The following CRIM1 variants were observed in gnomAD, a reference collection of about 807,000 sequenced individuals.
CRIM1 encodes the protein cysteine-rich motor neuron 1 protein.
A neutral mutation model predicts 116.4 loss-of-function variants in CRIM1; 32 were observed. The observed-to-expected ratio is 0.27, with a 90% CI of 0.21 to 0.37. The LOEUF (loss-of-function observed/expected upper bound fraction) is 0.37. Ranked by LOEUF, CRIM1 falls within the 10% of genes least tolerant of loss-of-function variation. The probability of loss-of-function intolerance (pLI) is 1.00; values close to 1 mark genes in which losing one functional copy is unlikely to be tolerated. For missense variants in CRIM1, 1,331 were observed against 1,354.8 expected, an observed-to-expected ratio of 0.98 and a Z score of 0.28; for synonymous variants, 590 against 509.2, an observed-to-expected ratio of 1.16 and a Z score of -2.13.
intron 2 of CRIM1, among the ~76,000 whole-genome samples, chr2:36,406,040 T>C (rs930938029): frequency 6.6e-6 from 1 of 152,246 alleles, no homozygotes; most frequent in Non-Finnish European, 1.5e-5. Context: ...TTTTTGGCAA[T>C]TATATTGATC....
chr2:36,410,784 C>G lies in CRIM1; in HGVS notation c.505+13997C>G, dbSNP rs924028636. Reference sequence around the variant, plus strand: ...TGCCTCACAGACCTTTTATAAATATCAGAGTTGTGGTTTTGCAACAGTGTA... The same window carrying G: ...TGCCTCACAGACCTTTTATAAATATGAGAGTTGTGGTTTTGCAACAGTGTA... On this transcript the variant is annotated intron_variant, in intron 2 of 16. Transcript: ENST00000280527. 1.2e-4 allele frequency among the ~76,000 whole-genome samples: 18 copies of G among 151,348 alleles called. 2 individuals are homozygous for G. The highest frequency in any genetic ancestry group is 5.9e-5 in the Non-Finnish European group (4 of 67,902).
At chr2:36,546,573 T>C (rs1436271416) in intron 15 of CRIM1, among the ~76,000 whole-genome samples, 4 of 152,118 alleles carry the variant, frequency 2.6e-5, no homozygotes, top group Admixed American at 6.5e-5. Context: ...TACTTTGTTC[T>C]AGTCTCCTGT....
chr2:36,485,460 A>G (rs1193109862), intron 7 of CRIM1, among the ~76,000 whole-genome samples: 3 of 152,198 alleles, frequency 2.0e-5, no homozygotes, highest in Non-Finnish European at 4.4e-5. Context: ...TTATGGAAGC[A>G]CTATATTCTC....
rs1375716101 is a variant in CRIM1 at position 36,551,063 on chromosome 2, C to T, written c.*2362C>T. ...TAGTTCTACAGTTTGTTTTTGTTTT[C>T]TTCAAAAAAGCTGTAAGAGAATTAT... On this transcript the variant is annotated 3_prime_UTR_variant, in exon 17 of 17. Transcript: ENST00000280527. 1.3e-5 allele frequency: 2 copies of T among 152,454 alleles called. No homozygotes were observed. The highest frequency in any genetic ancestry group is 2.4e-5 in the African/African-American group (1 of 41,396). The allele number at this position is 152,454 out of a possible 1,614,324, so 9.4% of individuals were successfully genotyped here. A position where few individuals can be genotyped will look rare whatever the true frequency, so the allele number is the denominator to read the frequency against.
rs1259239257 is a variant in CRIM1, at chr2:36,549,818, AT to A, written c.*1120del. 2.0e-5 allele frequency: 3 copies of A among 151,688 alleles called. No individual in the cohort carries two copies. The allele number at this position is 151,688 out of a possible 1,614,324, so 9.4% of individuals were successfully genotyped here. ...ATCTTATGCTTCAAAAAACAAAAGT[AT>A]TTGTGTGCATGTGTATATAATATAT... On this transcript the variant is annotated 3_prime_UTR_variant, in exon 17 of 17. Transcript: ENST00000280527.
rs2124935221 is a variant in CRIM1, at chr2:36,441,255, T to C, written c.506-3T>C. Reference sequence around the variant, plus strand: ...TAAGCTAAATTCTTTCTCTCCCTTTTAGAAGAGAAGCCAGATTGCTCCAAG... The same window carrying C: ...TAAGCTAAATTCTTTCTCTCCCTTTCAGAAGAGAAGCCAGATTGCTCCAAG... On this transcript the variant is annotated splice_region_variant and splice_polypyrimidine_tract_variant and intron_variant, in intron 2 of 16. Coordinates refer to ENST00000280527, the MANE Select transcript of CRIM1 (RefSeq NM_016441.3). 1 of 1,614,184 alleles carries C rather than the reference T, an allele frequency of 6.2e-7. No homozygotes were observed. The highest frequency in any genetic ancestry group is 1.6e-4 in the Middle Eastern group (1 of 6,062).
At chr2:36,543,488 G>A (rs888479450) in intron 14 of CRIM1, among the ~76,000 whole-genome samples, 1 of 133,416 alleles carries the variant, frequency 7.5e-6, no homozygotes, top group African/African-American at 2.9e-5. Context: ...TACGTGTTGA[G>A]TAATTGCTTT....
chr2:36,513,877 T>C, intron 11 of CRIM1, 112 bp downstream of exon 11: 1 of 864,334 alleles, frequency 1.2e-6, no homozygotes, highest in Non-Finnish European at 1.8e-6. Flanking sequence ...CCTGGAACAC[T>C]TTTCAGCACT....
At chr2:36,404,225 A>G (rs1672621025) in intron 2 of CRIM1, among the ~76,000 whole-genome samples, 1 of 152,182 alleles carries the variant, frequency 6.6e-6, no homozygotes. Flanking sequence ...TGATATTGAG[A>G]TGTATAAAAT....
At chr2:36,443,145 T>G (rs982376850) in intron 4 of CRIM1, among the ~76,000 whole-genome samples, 2 of 152,150 alleles carry the variant, frequency 1.3e-5, no homozygotes, top group Non-Finnish European at 2.9e-5. Context: ...ACCCTTGATG[T>G]TTGGAATCAC....
chr2:36,412,758 C>CA (rs1673311297), intron 2 of CRIM1, among the ~76,000 whole-genome samples: 1 of 151,992 alleles, frequency 6.6e-6, no homozygotes, highest in Non-Finnish European at 1.5e-5. Flanking sequence ...ATTTGGTATA[C>CA]AAATGGTGGC....
At chr2:36,543,471 A>G (rs1047131899) in intron 14 of CRIM1, among the ~76,000 whole-genome samples, 5 of 150,228 alleles carry the variant, frequency 3.3e-5, no homozygotes, top group African/African-American at 1.2e-4. Context: ...GTGAGTATTT[A>G]GGATCCTACG....
intron 2 of CRIM1, among the ~76,000 whole-genome samples, chr2:36,401,978 A>G (rs781581786): frequency 2.0e-5 from 3 of 152,036 alleles, no homozygotes; most frequent in Non-Finnish European, 4.4e-5. Flanking sequence ...AGCTGTAGCA[A>G]GAAACCTTCT....
chr2:36,477,414 C>G (rs1679068007), intron 6 of CRIM1, among the ~76,000 whole-genome samples: 1 of 152,236 alleles, frequency 6.6e-6, no homozygotes, highest in African/African-American at 2.4e-5. Flanking sequence ...GGCATTAGAG[C>G]TCACCACCTC....
chr2:36,540,144 A>G (rs1057267505), intron 14 of CRIM1, among the ~76,000 whole-genome samples: 46 of 152,296 alleles, frequency 3.0e-4, no homozygotes, highest in African/African-American at 1.1e-3. Flanking sequence ...CTGGTAGGAA[A>G]GAGTAAACTG....
chr2:36,509,938 T>C (rs1426288614), intron 8 of CRIM1, 45 bp from the exon 9 acceptor site: 16 of 1,587,718 alleles, frequency 1.0e-5, no homozygotes, highest in Non-Finnish European at 1.3e-5. Flanking sequence ...AGTGTTCTGC[T>C]CTGTTCATCT....
In CRIM1 at chr2:36,537,419, G is replaced by T; in HGVS notation, c.2496G>T (p.Trp832Cys). 6.2e-7 allele frequency: 1 copy of T among 1,614,084 alleles called. No homozygotes were observed. The highest frequency in any genetic ancestry group is 8.5e-7 in the Non-Finnish European group (1 of 1,180,004). Residue 832 changes from tryptophan to cysteine, a missense_variant, in exon 14 of 17, where the codon TGG becomes TGT. By Grantham distance (215) the Trp-to-Cys change is radical. Transcript: ENST00000280527. ...AGGCCTATGCCGACGAGGAGCGGTG[G>T]GACCTTGACAGCTGCACCCACTGCT... Reference protein sequence around the residue: ...SGKAYADEERWDLDSCTHCYC... With the variant: ...SGKAYADEERCDLDSCTHCYC...
intron 8 of CRIM1, among the ~76,000 whole-genome samples, chr2:36,503,502 C>G (rs561720301): frequency 1.4e-4 from 21 of 152,272 alleles, no homozygotes; most frequent in African/African-American, 5.1e-4. Context: ...TGAGTCGGCC[C>G]AAGCTAGCCA....
At chr2:36,510,923 CTTT>C (rs1013951561) in intron 9 of CRIM1, among the ~76,000 whole-genome samples, 11 of 109,176 alleles carry the variant, frequency 1.0e-4, no homozygotes, top group South Asian at 8.9e-4. Flanking sequence ...GATTCCTTTT[CTTT>C]TTTTTTTTTT....
Sources: allele counts gnomAD v4.1 joint callset (sites outside exome capture counted in the v4.1 genomes callset), GRCh38; gene constraint gnomAD v4.1.1; transcripts MANE v1.5; gene names NCBI Gene and HGNC (gene_info 2026-07-23, HGNC 2026-07-21).